RNF130: variants seen among roughly 807,000 people sequenced by gnomAD.
RNF130 encodes the protein ring finger protein 130.
In RNF130, 21 loss-of-function variants were observed where a neutral mutation model predicts 44.6. That is an observed-to-expected ratio of 0.47 (90% CI 0.33 to 0.68). The LOEUF (loss-of-function observed/expected upper bound fraction) is 0.68. Ranked by LOEUF, RNF130 falls within the 30% of genes least tolerant of loss-of-function variation. The probability of loss-of-function intolerance (pLI) is 0.02; values close to 1 mark genes in which losing one functional copy is unlikely to be tolerated. For synonymous variants in RNF130, 214 were observed against 210.4 expected, an observed-to-expected ratio of 1.02 and a Z score of -0.15; for missense variants, 479 against 560.6, an observed-to-expected ratio of 0.85 and a Z score of 1.47.
At chr5:180,016,332 T>A (rs560832516) in intron 2 of RNF130, among the ~76,000 whole-genome samples, 1 of 83,866 alleles carries the variant, frequency 1.2e-5, no homozygotes, top group Admixed American at 1.2e-4. Flanking sequence ...TGAGGAGCTC[T>A]GGCCCAGTTT....
intron 7 of RNF130, among the ~76,000 whole-genome samples, chr5:179,933,609 C>T (rs2113677735): frequency 6.6e-6 from 1 of 151,648 alleles, no homozygotes; most frequent in Non-Finnish European, 1.5e-5. Flanking sequence ...GCACTCTTGA[C>T]TTCCCGGGCT....
chr5:180,018,218 A>T (rs1763783725), intron 2 of RNF130, among the ~76,000 whole-genome samples: 2 of 151,808 alleles, frequency 1.3e-5, no homozygotes, highest in South Asian at 4.2e-4. Context: ...TTGCTTGAAC[A>T]AGGGTGGTGG....
At chr5:179,982,566 GTGTTT>G (rs71591449) in intron 3 of RNF130, among the ~76,000 whole-genome samples, 24,062 of 150,604 alleles carry the variant, frequency 0.16, 1,933 homozygotes, top group East Asian at 0.27. Flanking sequence ...GTGAGATTTT[GTGTTT>G]TGTTTTGTTT....
intron 2 of RNF130, among the ~76,000 whole-genome samples, chr5:180,027,428 G>A (rs10036834): frequency 0.7 from 106,704 of 151,976 alleles, 37,781 homozygotes; most frequent in South Asian, 0.79. Flanking sequence ...TATGGCATAC[G>A]AAAGTCAGAA....
intron 3 of RNF130, among the ~76,000 whole-genome samples, chr5:180,011,068 A>T (rs1763584775): frequency 6.6e-6 from 1 of 152,248 alleles, no homozygotes; most frequent in South Asian, 2.1e-4. Flanking sequence ...TCTCTTACAA[A>T]TGCAAGCAAA....
chr5:179,973,358 C>G (rs1561675568), intron 5 of RNF130, among the ~76,000 whole-genome samples: 1 of 152,202 alleles, frequency 6.6e-6, no homozygotes, highest in African/African-American at 2.4e-5. Flanking sequence ...TTGTCTAACC[C>G]TCCTGCTAGT....
exon 8 of RNF130, chr5:179,920,149 G>C (rs922005423): frequency 1.8e-6 from 1 of 558,576 alleles, no homozygotes; most frequent in Non-Finnish European, 3.2e-6. Context: ...TGTCCTCAAA[G>C]CCTCACCTTG....
At position 179,925,156 on chromosome 5, in the gene RNF130, A is replaced by T. The variant is rs1016542530; in HGVS notation, c.1151-4730T>A. Among the ~76,000 whole-genome samples the T allele has an allele frequency of 5.3e-5, 8 of 152,344 alleles. 2 individuals are homozygous for T. Among genetic ancestry groups the T allele is most frequent in the Admixed American group, 2.0e-4 (3 of 15,302 alleles). On this transcript the variant is annotated intron_variant, in intron 7 of 7. Coordinates refer to the RNF130 transcript ENST00000522208. ...AGGTGGGTGAAGGCGGGCAGCCCCCAGGTAGCTCCGGGATGGGGCTGGTCA... is the reference window on the plus strand; with the variant it reads ...AGGTGGGTGAAGGCGGGCAGCCCCCTGGTAGCTCCGGGATGGGGCTGGTCA...
At chr5:180,022,968 G>A (rs1419387352) in intron 2 of RNF130, among the ~76,000 whole-genome samples, 4 of 152,188 alleles carry the variant, frequency 2.6e-5, no homozygotes, top group Admixed American at 2.6e-4. Context: ...AAGCTTTCAC[G>A]CCAAGCACCA....
chr5:179,959,025 A>G (rs551591933), intron 8 of RNF130, among the ~76,000 whole-genome samples: 3 of 152,294 alleles, frequency 2.0e-5, no homozygotes, highest in African/African-American at 4.8e-5. Flanking sequence ...CTCCCTGTAG[A>G]TATCGCCAGA....
chr5:179,980,497 T>C (rs1327143389), intron 3 of RNF130: 1 of 345,686 alleles, frequency 2.9e-6, no homozygotes, highest in Non-Finnish European at 5.5e-6. Context: ...TTGTGTCGAA[T>C]AAACATTTGA....
intron 1 of RNF130, among the ~76,000 whole-genome samples, chr5:180,059,902 G>C (rs1447003108): frequency 2.6e-5 from 4 of 152,150 alleles, no homozygotes; most frequent in Non-Finnish European, 5.9e-5. Context: ...AGGTTACAGA[G>C]CAAGGGGGAA....
intron 7 of RNF130, among the ~76,000 whole-genome samples, chr5:179,931,329 A>G (rs142152019): frequency 1.8e-4 from 28 of 152,310 alleles, no homozygotes; most frequent in African/African-American, 6.7e-4. Flanking sequence ...CAATGGTAGT[A>G]TTTGTTTTTA....
At chr5:180,024,540 T>C (rs1281243994) in intron 2 of RNF130, among the ~76,000 whole-genome samples, 1 of 152,098 alleles carries the variant, frequency 6.6e-6, no homozygotes, top group Non-Finnish European at 1.5e-5. Flanking sequence ...ACCTTTGAAG[T>C]GCTGAAAGGA....
chr5:179,994,762 T>C (rs1469057430), intron 3 of RNF130, among the ~76,000 whole-genome samples: 2 of 152,196 alleles, frequency 1.3e-5, no homozygotes, highest in Non-Finnish European at 2.9e-5. Flanking sequence ...TGCTGTGCAC[T>C]TATGTAAGCA....
chr5:179,982,917 A>C (rs1762870115), intron 3 of RNF130, among the ~76,000 whole-genome samples: 1 of 152,130 alleles, frequency 6.6e-6, no homozygotes, highest in African/African-American at 2.4e-5. Context: ...TCCCTATTGT[A>C]ATGATGTTGA....
chr5:179,971,310 GAC>G (rs1762580791), intron 5 of RNF130, among the ~76,000 whole-genome samples: 2 of 152,220 alleles, frequency 1.3e-5, no homozygotes, highest in Admixed American at 6.5e-5. Flanking sequence ...TGCCAGGACA[GAC>G]GTTCAGGGCA....
intron 1 of RNF130, among the ~76,000 whole-genome samples, chr5:180,050,410 A>G (rs1412889509): frequency 2.0e-5 from 3 of 152,224 alleles, no homozygotes; most frequent in Admixed American, 1.3e-4. Flanking sequence ...AGTGGAATGG[A>G]TAAGACCCAC....
chr5:180,054,616 G>GTGC (rs1764763875), intron 1 of RNF130, among the ~76,000 whole-genome samples: 1 of 152,222 alleles, frequency 6.6e-6, no homozygotes, highest in African/African-American at 2.4e-5. Context: ...GTCTCTATCA[G>GTGC]TACCACACTG....
Sources: allele counts gnomAD v4.1 joint callset (sites outside exome capture counted in the v4.1 genomes callset), GRCh38; gene constraint gnomAD v4.1.1; transcripts MANE v1.5; gene names NCBI Gene and HGNC (gene_info 2026-07-23, HGNC 2026-07-21).